The following ZNF66 variants were observed in gnomAD, a reference collection of about 807,000 sequenced individuals.
The protein encoded by ZNF66 is zinc finger protein 66.
In ZNF66, 32 loss-of-function variants were observed where a neutral mutation model predicts 35.2. That is an observed-to-expected ratio of 0.91 (90% CI 0.69 to 1.22). ZNF66 has a LOEUF of 1.22. Among genes scored for constraint, ZNF66 ranks in the 50% most tolerant of loss-of-function variants. The probability of loss-of-function intolerance (pLI) is 0.00; values close to 1 mark genes in which losing one functional copy is unlikely to be tolerated. For missense variants in ZNF66, 666 were observed against 543.1 expected (o/e 1.23, Z -2.25); for synonymous variants, 231 against 181.3 (o/e 1.27, Z -2.20).
Position 20,809,210 on chromosome 19 carries a change from T to C in ZNF66, c.*1888T>C, listed in dbSNP as rs1326193886. On this transcript the variant is annotated 3_prime_UTR_variant, in exon 4 of 4. Coordinates refer to ENST00000344519, the MANE Select transcript of ZNF66 (RefSeq NM_001355197.2). ...AGACCAAATCTACCTCTGATTGGTGTACCTGAAAGTGAGGGGGAGAATGGA... is the reference window on the plus strand; with the variant it reads ...AGACCAAATCTACCTCTGATTGGTGCACCTGAAAGTGAGGGGGAGAATGGA... 6.6e-6 allele frequency among the ~76,000 whole-genome samples: 1 copy of C among 152,168 alleles called. No individual in the cohort carries two copies. Among genetic ancestry groups the C allele is most frequent in the Non-Finnish European group, 1.5e-5 (1 of 68,036 alleles).
chr19:20,795,604 C>A (rs542882936), intron 3 of ZNF66, among the ~76,000 whole-genome samples: 1 of 151,234 alleles, frequency 6.6e-6, no homozygotes, highest in Non-Finnish European at 1.5e-5. Flanking sequence ...TGACCTCAGG[C>A]GATCCGCCCG....
intron 3 of ZNF66, among the ~76,000 whole-genome samples, chr19:20,798,026 T>G (rs1000142488): frequency 6.6e-6 from 1 of 150,888 alleles, no homozygotes; most frequent in Non-Finnish European, 1.5e-5. Flanking sequence ...TATGTCTGTT[T>G]ATAAATATGA....
intron 1 of ZNF66, among the ~76,000 whole-genome samples, chr19:20,787,364 C>T (rs1971296009): frequency 6.6e-6 from 1 of 152,096 alleles, no homozygotes; most frequent in Non-Finnish European, 1.5e-5. Context: ...TGTGCTAGAG[C>T]AGCCTTCATG....
rs1971562150 is a variant in ZNF66, at chr19:20,809,238, C to T, written c.*1916C>T. ...CTGAAAGTGAGGGGGAGAATGGAAC[C>T]AACTTGGAAAACACTCTGCAGGATA... On this transcript the variant is annotated 3_prime_UTR_variant, in exon 4 of 4. Coordinates refer to ENST00000344519, the MANE Select transcript of ZNF66 (RefSeq NM_001355197.2). Among the ~76,000 whole-genome samples the T allele has an allele frequency of 6.6e-6, 1 of 152,082 alleles. No homozygotes were observed. The highest frequency in any genetic ancestry group is 2.1e-4 in the South Asian group (1 of 4,820).
In ZNF66 at chr19:20,809,519, C is replaced by A. The variant is rs1971566755; in HGVS notation, c.*2197C>A. 6.6e-6 allele frequency among the ~76,000 whole-genome samples: 1 copy of A among 152,044 alleles called. No individual in the cohort carries two copies. The highest frequency in any genetic ancestry group is 2.1e-4 in the South Asian group (1 of 4,814). On this transcript the variant is annotated 3_prime_UTR_variant, in exon 4 of 4. Coordinates refer to ENST00000344519, the MANE Select transcript of ZNF66 (RefSeq NM_001355197.2). ...CTATAAGCCAGAAGAGAGTGGGGGCCAATATTCAACATTCTTAAAGAAAAG... is the reference window on the plus strand; with the variant it reads ...CTATAAGCCAGAAGAGAGTGGGGGCAAATATTCAACATTCTTAAAGAAAAG...
intron 3 of ZNF66, chr19:20,799,078 T>TTTTTTTTTTTTTTTTTTTTTTTTTTTTC (rs1460346688): frequency 7.1e-6 from 1 of 139,996 alleles, no homozygotes; most frequent in African/African-American, 2.7e-5. Flanking sequence ...TTTTTTTTTT[T>TTTTTTTTTTTTTTTTTTTTTTTTTTTTC]TGAGATGGAA....
In ZNF66 at chr19:20,785,549, A is replaced by G. The variant is rs1971279375; in HGVS notation, c.4-6963A>G. 2.6e-5 allele frequency among the ~76,000 whole-genome samples: 4 copies of G among 152,284 alleles called. No individual in the cohort carries two copies. The South Asian group carries it at 8.3e-4, about 32-fold the overall frequency. Reference sequence around the variant, plus strand: ...GATGAACTATGTGTGACATGGTGCTATAAATTCTTCTACTTGTGGACTAAT... The same window carrying G: ...GATGAACTATGTGTGACATGGTGCTGTAAATTCTTCTACTTGTGGACTAAT... On this transcript the variant is annotated intron_variant, in intron 1 of 3. Transcript: ENST00000344519.
chr19:20,788,088 A>G (rs976289653), intron 1 of ZNF66, among the ~76,000 whole-genome samples: 1 of 152,206 alleles, frequency 6.6e-6, no homozygotes, highest in African/African-American at 2.4e-5. Context: ...CCCCTCATAC[A>G]AGAGGTATCT....
chr19:20,806,282 C>G lies in ZNF66; in HGVS notation c.682C>G (p.Arg228Gly). 1 of 1,479,064 alleles carries G rather than the reference C, an allele frequency of 6.8e-7. No homozygotes were observed. The highest frequency in any genetic ancestry group is 2.3e-5 in the East Asian group (1 of 44,160). 91.6% of individuals were successfully genotyped at this position (1,479,064 alleles called of 1,614,324 possible). A position where few individuals can be genotyped will look rare whatever the true frequency, so the allele number is the denominator to read the frequency against. Residue 228 changes from arginine to glycine, a missense_variant, in exon 4 of 4, where the codon CGG (arginine) becomes GGG (glycine). By Grantham distance (125) the Arg-to-Gly change is moderately radical. Coordinates refer to ENST00000344519, the MANE Select transcript of ZNF66 (RefSeq NM_001355197.2). ...THKIIHTGEK[R>G]YKCEDCGKAF... ...TAAGATAATTCATACTGGAGAGAAA[C>G]GGTACAAATGTGAAGACTGTGGCAA... is the stretch of plus-strand genomic sequence containing the variant.
In ZNF66 at chr19:20,805,973, G is replaced by A. The variant is rs547076575; in HGVS notation, c.373G>A (p.Val125Met). The stretch of plus-strand genomic sequence containing the variant: ...CTGTGAAAGTGTGGATAAGTGTAAA[G>A]TGCACAAAAGAGGTTATAATGGACT... The part of the protein sequence containing the change: ...KGCESVDKCK[V>M]HKRGYNGLNQ... Residue 125 changes from valine (V) to methionine (M), a missense_variant, in exon 4 of 4, where the codon GTG (valine) becomes ATG (methionine). Coordinates refer to ENST00000344519, the MANE Select transcript of ZNF66 (RefSeq NM_001355197.2). 2 of 757,298 alleles carry A rather than the reference G, an allele frequency of 2.6e-6. No homozygotes were observed. The highest frequency in any genetic ancestry group is 4.4e-5 in the Admixed American group (2 of 45,728). 46.9% of individuals were successfully genotyped at this position (757,298 alleles called of 1,614,324 possible).
At chr19:20,802,007 A>G (rs1247574017) in intron 3 of ZNF66, among the ~76,000 whole-genome samples, 3 of 150,302 alleles carry the variant, frequency 2.0e-5, no homozygotes, top group African/African-American at 4.9e-5. Flanking sequence ...TGCTTTTACT[A>G]TTAGTAAAAT....
chr19:20,805,126 T>TGTGAGAGAGAGA (rs752355466), intron 3 of ZNF66, among the ~76,000 whole-genome samples: 7,841 of 145,812 alleles, frequency 0.054, 255 homozygotes, highest in Middle Eastern at 0.1. Flanking sequence ...TGTGTGTGTG[T>TGTGAGAGAGAGA]GAGAGAGAGA....
At chr19:20,792,048 C>T (rs577249400) in intron 1 of ZNF66, among the ~76,000 whole-genome samples, 2 of 151,428 alleles carry the variant, frequency 1.3e-5, no homozygotes, top group South Asian at 4.2e-4. Flanking sequence ...ACAAAATATT[C>T]TTCTTGGGCC....
chr19:20,789,846 T>C (rs1971320164), intron 1 of ZNF66, among the ~76,000 whole-genome samples: 2 of 152,038 alleles, frequency 1.3e-5, no homozygotes, highest in African/African-American at 2.4e-5. Flanking sequence ...GAGCACACAG[T>C]ATCTGTTTAA....
intron 1 of ZNF66, among the ~76,000 whole-genome samples, chr19:20,780,677 T>C (rs1971237595): frequency 6.6e-6 from 1 of 152,114 alleles, no homozygotes; most frequent in African/African-American, 2.4e-5. Context: ...TCTACAGATT[T>C]GGTGCCAGAA....
At chr19:20,805,743 T>C (rs1971496179) in intron 3 of ZNF66, 84 bp from the exon 4 acceptor site, 1 of 448,554 alleles carries the variant, frequency 2.2e-6, no homozygotes, top group Non-Finnish European at 4.0e-6. Flanking sequence ...TTATGTAGTT[T>C]GTATAATTTT....
At chr19:20,803,345 G>GTTTC (rs35561292) in intron 3 of ZNF66, among the ~76,000 whole-genome samples, 14,012 of 148,722 alleles carry the variant, frequency 0.094, 667 homozygotes, top group Middle Eastern at 0.11. Context: ...CATGCTTTCA[G>GTTTC]TTTCTTATTT....
intron 1 of ZNF66, among the ~76,000 whole-genome samples, chr19:20,776,883 G>A (rs1454083745): frequency 6.6e-6 from 1 of 152,132 alleles, no homozygotes; most frequent in Non-Finnish European, 1.5e-5. Context: ...GGGAGGCCGA[G>A]GCGGGCGGAT....
chr19:20,801,194 T>C (rs1648410957), intron 3 of ZNF66, among the ~76,000 whole-genome samples: 1 of 152,186 alleles, frequency 6.6e-6, no homozygotes, highest in African/African-American at 2.4e-5. Context: ...CATAACTTTT[T>C]TTCATTCTGT....
Sources: gnomAD v4.1 joint callset for allele counts (sites outside exome capture counted in the v4.1 genomes callset) on GRCh38, gnomAD v4.1.1 for gene constraint, MANE v1.5 for transcripts, NCBI Gene and HGNC (gene_info 2026-07-23, HGNC 2026-07-21) for gene names.